CTNNA3: variants seen among roughly 807,000 people sequenced by gnomAD.
CTNNA3 encodes catenin alpha 3.
CTNNA3 carries 76 observed loss-of-function variants against 95.7 expected under a neutral mutation model. The observed-to-expected ratio is 0.79, with a 90% CI of 0.66 to 0.96. CTNNA3 has a LOEUF of 0.96. Among genes scored for constraint, CTNNA3 ranks in the 40% least tolerant of loss-of-function variants. The pLI is 0.00. For missense variants in CTNNA3, 1,191 were observed against 1,089.8 expected (o/e 1.09, Z -1.31); for synonymous variants, 431 against 374.4 (o/e 1.15, Z -1.74).
intron 7 of CTNNA3, among the ~76,000 whole-genome samples, chr10:66,978,552 A>AAAAAAATAT: frequency 5.3e-5 from 2 of 37,880 alleles, no homozygotes; most frequent in African/African-American, 1.7e-4. Context: ...AAAAAAAAAA[A>AAAAAAATAT]ATATATATAT....
intron 5 of CTNNA3, among the ~76,000 whole-genome samples, chr10:67,504,693 C>T (rs893995670): frequency 5.9e-5 from 9 of 152,120 alleles, no homozygotes; most frequent in South Asian, 2.1e-4. Flanking sequence ...GATAAACATC[C>T]GATCATTTTT....
chr10:66,750,002 A>C (rs10733826), intron 9 of CTNNA3, among the ~76,000 whole-genome samples: 128,741 of 152,150 alleles, frequency 0.85, 54,731 homozygotes, highest in East Asian at 1. Context: ...TATTGGACAT[A>C]CGTATATCTT....
At chr10:67,592,398 C>T (rs530777562) in intron 3 of CTNNA3, among the ~76,000 whole-genome samples, 7 of 152,028 alleles carry the variant, frequency 4.6e-5, no homozygotes, top group Non-Finnish European at 2.9e-5. Flanking sequence ...TGTAACATTC[C>T]CTCCCACTCA....
chr10:66,104,472 G>T (rs973977799), intron 13 of CTNNA3, among the ~76,000 whole-genome samples: 1 of 152,122 alleles, frequency 6.6e-6, no homozygotes, highest in Admixed American at 6.5e-5. Context: ...TAGCTTTGGG[G>T]ATACAAGTGG....
chr10:67,183,935 C>A (rs1007351445), intron 6 of CTNNA3, among the ~76,000 whole-genome samples: 5 of 151,894 alleles, frequency 3.3e-5, no homozygotes, highest in Admixed American at 3.3e-4. Flanking sequence ...AAAATAGGTG[C>A]CCTTTACAAT....
intron 12 of CTNNA3, among the ~76,000 whole-genome samples, chr10:66,372,661 G>A (rs995769958): frequency 6.6e-6 from 1 of 152,130 alleles, no homozygotes; most frequent in East Asian, 1.9e-4. Context: ...AAAGAAAACA[G>A]GTTTAATTTA....
intron 9 of CTNNA3, among the ~76,000 whole-genome samples, chr10:66,725,187 C>A (rs1237036314): frequency 6.6e-6 from 1 of 152,032 alleles, no homozygotes; most frequent in Non-Finnish European, 1.5e-5. Context: ...TACTATAGAC[C>A]TAACCACATT....
At chr10:66,665,289 T>C (rs1196582062) in intron 9 of CTNNA3, among the ~76,000 whole-genome samples, 1 of 152,158 alleles carries the variant, frequency 6.6e-6, no homozygotes, top group Non-Finnish European at 1.5e-5. Context: ...AATTGGTTCA[T>C]GGAGGATAAA....
intron 7 of CTNNA3, among the ~76,000 whole-genome samples, chr10:66,775,889 T>A (rs983944347): frequency 6.6e-6 from 1 of 152,210 alleles, no homozygotes; most frequent in Non-Finnish European, 1.5e-5. Context: ...TCAACTTCTG[T>A]GGGAGTTTCT....
At position 67,687,598 on chromosome 10, in the gene CTNNA3, T is replaced by C. The variant is rs139558551; in HGVS notation, c.-6+8402A>G. Among the ~76,000 whole-genome samples the C allele has an allele frequency of 1.7e-3, 256 of 152,284 alleles. 3 individuals are homozygous for C. Among genetic ancestry groups the C allele is most frequent in the African/African-American group, 5.8e-3 (240 of 41,566 alleles). ...TTATAGAACACCGAGGTTGCCAGGT[T>C]TAATAATGCCTCCAGATTTTGTTCA... On this transcript the variant is annotated intron_variant, in intron 1 of 17. Transcript: ENST00000433211.
chr10:66,168,492 A>G (rs1193115831), intron 13 of CTNNA3, among the ~76,000 whole-genome samples: 1 of 152,174 alleles, frequency 6.6e-6, no homozygotes, highest in Non-Finnish European at 1.5e-5. Context: ...CAAACTCATT[A>G]TAACCTCAGA....
intron 9 of CTNNA3, among the ~76,000 whole-genome samples, chr10:66,702,436 T>C (rs1442519255): frequency 6.6e-6 from 1 of 152,082 alleles, no homozygotes; most frequent in Non-Finnish European, 1.5e-5. Flanking sequence ...CAATGGTTTT[T>C]GTCTTAGAAG....
intron 13 of CTNNA3, among the ~76,000 whole-genome samples, chr10:66,259,827 A>G (rs1336336490): frequency 6.6e-6 from 1 of 152,188 alleles, no homozygotes; most frequent in Non-Finnish European, 1.5e-5. Flanking sequence ...AAGTTCTATG[A>G]TAGAGTCTAT....
rs115056553 is a variant in CTNNA3, at chr10:66,303,588, A to G, written c.1733-22967T>C. On this transcript the variant is annotated intron_variant, in intron 12 of 17. Coordinates refer to ENST00000433211, the MANE Select transcript of CTNNA3 (RefSeq NM_013266.4). ...TGAATAAAAATAAAAGTCTTATCTC[A>G]ATATACAAAAAAATACAAATGGTTA... 1.6e-3 allele frequency among the ~76,000 whole-genome samples: 237 copies of G among 152,292 alleles called. 1 individual carries two copies. The highest frequency in any genetic ancestry group is 5.5e-3 in the African/African-American group (230 of 41,570).
chr10:65,934,441 C>T (rs2077305143), intron 17 of CTNNA3, among the ~76,000 whole-genome samples: 1 of 152,120 alleles, frequency 6.6e-6, no homozygotes, highest in African/African-American at 2.4e-5. Flanking sequence ...ACTCCCAGGT[C>T]ATAACTTTAC....
intron 3 of CTNNA3, among the ~76,000 whole-genome samples, chr10:67,598,111 T>G (rs1176469234): frequency 6.6e-6 from 1 of 152,006 alleles, no homozygotes; most frequent in African/African-American, 2.4e-5. Context: ...GATCTGACAG[T>G]TAAGAAAGGC....
rs1840667487 is a variant in CTNNA3, at chr10:67,540,979, CCTA to C, written c.293-1313_293-1311del. On this transcript the variant is annotated intron_variant, in intron 3 of 17. Transcript: ENST00000433211. ...TTTTTTAATAATATAAAATAATAAA[CCTA>C]CTATTTTATGAGTATTAAATAAGAG... is the stretch of plus-strand genomic sequence containing the variant. Among the ~76,000 whole-genome samples, 3 of 151,656 alleles carry C rather than the reference CCTA, an allele frequency of 2.0e-5. No homozygotes were observed. The East Asian group carries it at 5.8e-4, about 29-fold the overall frequency.
intron 10 of CTNNA3, among the ~76,000 whole-genome samples, chr10:66,541,376 G>A (rs538632374): frequency 9.9e-5 from 15 of 152,152 alleles, no homozygotes; most frequent in Admixed American, 2.0e-4. Flanking sequence ...AAGAATATTC[G>A]TGTATTAGAA....
At chr10:67,028,165 G>A (rs564765025) in intron 7 of CTNNA3, among the ~76,000 whole-genome samples, 184 of 152,176 alleles carry the variant, frequency 1.2e-3, no homozygotes, top group African/African-American at 3.9e-3. Context: ...ACTTTATATG[G>A]AGCCCAACCT....
Sources: allele counts gnomAD v4.1 joint callset (sites outside exome capture counted in the v4.1 genomes callset), GRCh38; gene constraint gnomAD v4.1.1; transcripts MANE v1.5; gene names NCBI Gene and HGNC (gene_info 2026-07-23, HGNC 2026-07-21).